CATSPERE: variants seen among roughly 807,000 people sequenced by gnomAD.
CATSPERE encodes the protein catsper channel auxiliary subunit epsilon.
A neutral mutation model predicts 114.1 loss-of-function variants in CATSPERE; 93 were observed. The observed-to-expected ratio is 0.81, with a 90% CI of 0.69 to 0.97. The LOEUF (loss-of-function observed/expected upper bound fraction) is 0.97, where lower values mean the gene tolerates loss of function less well. Among genes scored for constraint, CATSPERE ranks in the 50% least tolerant of loss-of-function variants. CATSPERE has a pLI of 0.00. For synonymous variants in CATSPERE, 341 were observed against 384.1 expected (o/e 0.89, Z 1.31); for missense variants, 1,058 against 1,131.6 (o/e 0.93, Z 0.93).
Position 244,582,391 on chromosome 1 carries a change from T to C in CATSPERE, c.2009+537T>C, listed in dbSNP as rs1666311498. 2.5e-5 allele frequency among the ~76,000 whole-genome samples: 3 copies of C among 120,422 alleles called. No homozygotes were observed. The Admixed American group carries it at 3.2e-4, about 13-fold the overall frequency. The allele number at this position is 120,422 out of a possible 152,430, so 79.0% of individuals were successfully genotyped here. On this transcript the variant is annotated intron_variant, in intron 12 of 21. Transcript: ENST00000366534. Reference sequence around the variant, plus strand: ...ATATTTTCCCTAGGAAAAATCAATTTTTCTTTTTTCTTTTTCTTTTTTTTT... The same window carrying C: ...ATATTTTCCCTAGGAAAAATCAATTCTTCTTTTTTCTTTTTCTTTTTTTTT...
upstream of CATSPERE, among the ~76,000 whole-genome samples, chr1:244,459,686 G>A (rs1206832620): frequency 2.0e-5 from 3 of 152,206 alleles, no homozygotes; most frequent in Non-Finnish European, 2.9e-5. Context: ...TTGTGGGTTA[G>A]AAGTCCCCAG....
At chr1:244,553,603 ACACACACACAC>A (rs1661051637) in intron 9 of CATSPERE, among the ~76,000 whole-genome samples, 2 of 5,786 alleles carry the variant, frequency 3.5e-4, no homozygotes, top group African/African-American at 1.0e-3. Context: ...AAAAAAAAAT[ACACACACACAC>A]ACACACACAC....
At chr1:244,530,662 T>A (rs1298518648) in intron 8 of CATSPERE, among the ~76,000 whole-genome samples, 1 of 152,194 alleles carries the variant, frequency 6.6e-6, no homozygotes, top group Non-Finnish European at 1.5e-5. Context: ...ACATGGAATG[T>A]TTTCCTTTTT....
At chr1:244,594,920 GC>G (rs1668191743) in intron 17 of CATSPERE, among the ~76,000 whole-genome samples, 1 of 152,044 alleles carries the variant, frequency 6.6e-6, no homozygotes, top group Admixed American at 6.6e-5. Context: ...ATGCTATCCA[GC>G]TAATCTGCTT....
intron 9 of CATSPERE, among the ~76,000 whole-genome samples, chr1:244,553,580 CAAAAA>C (rs1179306708): frequency 7.4e-5 from 2 of 27,002 alleles, no homozygotes; most frequent in Non-Finnish European, 7.7e-5. Flanking sequence ...GACCCCGTCT[CAAAAA>C]AAAAAAAAAA....
intron 6 of CATSPERE, among the ~76,000 whole-genome samples, chr1:244,496,257 T>C (rs908868898): frequency 2.0e-5 from 3 of 152,210 alleles, no homozygotes; most frequent in Non-Finnish European, 2.9e-5. Context: ...TTAAAATCCT[T>C]TAAAGAATCA....
intron 6 of CATSPERE, among the ~76,000 whole-genome samples, chr1:244,497,159 A>C (rs1673229468): frequency 6.6e-6 from 1 of 152,250 alleles, no homozygotes; most frequent in Non-Finnish European, 1.5e-5. Flanking sequence ...ATTCTCTTAC[A>C]ACCTGGTAAT....
rs986509524 is a variant in CATSPERE at position 244,552,402 on chromosome 1, G to C, written c.617G>C (p.Cys206Ser). 1.9e-6 allele frequency: 3 copies of C among 1,614,018 alleles called. No homozygotes were observed. Among genetic ancestry groups the C allele is most frequent in the African/African-American group, 2.7e-5 (2 of 74,918 alleles). The change falls in exon 9 of 22, where the codon TGC (cysteine) becomes TCC (serine). Residue 206 changes from cysteine to serine, a missense_variant. Around this residue, in one of 2 missense-constraint regions of CATSPERE, gnomAD observed 787 missense variants for 905.6 expected, o/e 0.87. Transcript: ENST00000366534. ...GGAAACCAAGTTACTTTTCAGGATT[G>C]CTTTATTGCAGATTTTCTTATTCTG... ...IRGNQVTFQD[C>S]FIADFLILLT...
At chr1:244,621,221 T>TATATATATATATC (rs1193509974) in intron 20 of CATSPERE, among the ~76,000 whole-genome samples, 2 of 69,194 alleles carry the variant, frequency 2.9e-5, no homozygotes, top group Non-Finnish European at 2.5e-5. Flanking sequence ...ATATATATAT[T>TATATATATATATC]TATATAAATA....
intron 20 of CATSPERE, among the ~76,000 whole-genome samples, chr1:244,621,110 A>ATC (rs1672144521): frequency 1.6e-5 from 1 of 62,962 alleles, no homozygotes; most frequent in Non-Finnish European, 2.9e-5. Flanking sequence ...ATATAAATAT[A>ATC]TATATAATAT....
At chr1:244,578,440 C>T (rs868855955) in intron 11 of CATSPERE, among the ~76,000 whole-genome samples, 1 of 152,034 alleles carries the variant, frequency 6.6e-6, no homozygotes, top group Non-Finnish European at 1.5e-5. Context: ...TGTGAGTCAC[C>T]ACACCCGGCC....
Position 244,504,961 on chromosome 1 carries a change from G to A in CATSPERE, c.429+5882G>A, listed in dbSNP as rs1191864349. On this transcript the variant is annotated intron_variant, in intron 7 of 21. Transcript: ENST00000366534. The surrounding 1 kb of genome is among the most constrained non-coding windows in gnomAD (Gnocchi z 4.1). ...AATATTTTTGGAATTCTTATTTTAT[G>A]GCAAACTTGTCTTATCCCTGATTTA... 1.3e-5 allele frequency among the ~76,000 whole-genome samples: 2 copies of A among 152,028 alleles called. No individual in the cohort carries two copies. The highest frequency in any genetic ancestry group is 2.9e-5 in the Non-Finnish European group (2 of 68,016).
intron 2 of CATSPERE, among the ~76,000 whole-genome samples, chr1:244,469,378 G>A (rs1668105789): frequency 6.6e-6 from 1 of 152,122 alleles, no homozygotes; most frequent in South Asian, 2.1e-4. Flanking sequence ...CAGTATTACA[G>A]CTCATGGCCA....
At chr1:244,542,983 G>A (rs527764281) in intron 8 of CATSPERE, among the ~76,000 whole-genome samples, 1 of 152,220 alleles carries the variant, frequency 6.6e-6, no homozygotes, top group South Asian at 2.1e-4. Flanking sequence ...GTAAAGATGT[G>A]GATAAAAAGT....
intron 19 of CATSPERE, among the ~76,000 whole-genome samples, chr1:244,614,392 A>C (rs562204203): frequency 6.6e-6 from 1 of 152,338 alleles, no homozygotes; most frequent in Non-Finnish European, 1.5e-5. Context: ...CAGTGACTCT[A>C]ACTGAAGCCA....
At chr1:244,639,112 C>A (rs1675006795) in intron 21 of CATSPERE, among the ~76,000 whole-genome samples, 1 of 152,178 alleles carries the variant, frequency 6.6e-6, no homozygotes, top group Non-Finnish European at 1.5e-5. Flanking sequence ...TCATCTCCAA[C>A]CACTCCCCTT....
At chr1:244,451,376 G>A (rs943219455), upstream of CATSPERE, among the ~76,000 whole-genome samples, 1 of 152,168 alleles carries the variant, frequency 6.6e-6, no homozygotes, top group African/African-American at 2.4e-5. This position sits in a 1 kb window ranked among gnomAD's most constrained non-coding sequence, Gnocchi z 6.6. Flanking sequence ...CAGGCATCGC[G>A]CATCTCTCAA....
chr1:244,463,990 A>G lies in CATSPERE; in HGVS notation c.114+34A>G, dbSNP rs757638118. 10 of 1,483,550 alleles carry G rather than the reference A, an allele frequency of 6.7e-6. No individual in the cohort carries two copies. The South Asian group carries it at 1.0e-4, about 16-fold the overall frequency. 91.9% of individuals were successfully genotyped at this position (1,483,550 alleles called of 1,614,324 possible). ...TGAATTTTTAATAAACTATAGTTAA[A>G]TATTAAATTTTTTGAACTTTAGAGC... On this transcript the variant is annotated intron_variant, in intron 2 of 21. Coordinates refer to ENST00000366534, the MANE Select transcript of CATSPERE (RefSeq NM_001130957.2).
intron 20 of CATSPERE, among the ~76,000 whole-genome samples, chr1:244,621,778 A>G (rs778189582): frequency 6.6e-6 from 1 of 152,200 alleles, no homozygotes; most frequent in African/African-American, 2.4e-5. Context: ...CTGGAAAGAA[A>G]CAGAGAAGAT....
Sources: allele counts gnomAD v4.1 joint callset (sites outside exome capture counted in the v4.1 genomes callset), GRCh38; gene constraint gnomAD v4.1.1; regional missense constraint gnomAD v4.1.1; non-coding constraint Gnocchi (gnomAD v3.1); transcripts MANE v1.5; gene names NCBI Gene and HGNC (gene_info 2026-07-23, HGNC 2026-07-21).